The following STARD13 variants were observed in gnomAD, a reference collection of about 807,000 sequenced individuals.
The protein encoded by STARD13 is stAR-related lipid transfer protein 13.
Under a neutral mutation model 106.4 loss-of-function variants are expected in STARD13, and 62 were observed. The observed-to-expected ratio is 0.58, with a 90% CI of 0.48 to 0.72. The LOEUF (loss-of-function observed/expected upper bound fraction) is 0.72, where lower values mean the gene tolerates loss of function less well. Ranked by LOEUF, STARD13 falls within the 30% of genes least tolerant of loss-of-function variation. STARD13 has a pLI of 0.00. For synonymous variants in STARD13, 565 were observed against 553.0 expected, an observed-to-expected ratio of 1.02 and a Z score of -0.31; for missense variants, 1,387 against 1,424.0, an observed-to-expected ratio of 0.97 and a Z score of 0.42.
the STARD13 span, among the ~76,000 whole-genome samples, chr13:33,627,851 G>A: frequency 6.6e-6 from 1 of 152,040 alleles, no homozygotes; most frequent in Non-Finnish European, 1.5e-5. Context: ...CTTTTCTGAC[G>A]TACAGCAACC....
At position 33,203,373 on chromosome 13, in the gene STARD13, T is replaced by A. The variant is rs185191819; in HGVS notation, c.170-35751A>T. Among the ~76,000 whole-genome samples, 289 of 152,306 alleles carry A rather than the reference T, an allele frequency of 1.9e-3. 2 individuals carry two copies. The highest frequency in any genetic ancestry group is 6.6e-3 in the African/African-American group (274 of 41,574). ...ATCTTATATGCTGCTATGCTATCAGTTTTACTGGATTATTTTGAAAGATGA... is the reference window on the plus strand; with the variant it reads ...ATCTTATATGCTGCTATGCTATCAGATTTACTGGATTATTTTGAAAGATGA... On this transcript the variant is annotated intron_variant, in intron 1 of 13. Coordinates refer to ENST00000336934, the MANE Select transcript of STARD13 (RefSeq NM_178006.4).
intron 1 of STARD13, among the ~76,000 whole-genome samples, chr13:33,169,114 C>T (rs1232809851): frequency 6.6e-6 from 1 of 152,162 alleles, no homozygotes; most frequent in Non-Finnish European, 1.5e-5. Flanking sequence ...CCCATTCCTG[C>T]CATGGACACA....
chr13:33,606,170 AG>A, the STARD13 span, among the ~76,000 whole-genome samples: 1 of 152,160 alleles, frequency 6.6e-6, no homozygotes, highest in Non-Finnish European at 1.5e-5. Flanking sequence ...GTGTAGTGGC[AG>A]GTATCTGTAA....
At chr13:33,579,878 A>C in the STARD13 span, among the ~76,000 whole-genome samples, 1 of 152,006 alleles carries the variant, frequency 6.6e-6, no homozygotes, top group Non-Finnish European at 1.5e-5. Context: ...ATACCACTAC[A>C]CATCTATTAG....
At chr13:33,351,313 TGAA>T (rs1277844508), upstream of STARD13, among the ~76,000 whole-genome samples, 1 of 152,228 alleles carries the variant, frequency 6.6e-6, no homozygotes, top group East Asian at 1.9e-4. Context: ...GTACGTATTA[TGAA>T]GAAGTGAAAT....
the STARD13 span, chr13:33,359,347 A>T: frequency 6.1e-6 from 1 of 164,216 alleles, no homozygotes; most frequent in Non-Finnish European, 1.3e-5. Flanking sequence ...GAAGGTCTGC[A>T]GCTTCACTTC....
chr13:33,669,080 T>G, the STARD13 span, among the ~76,000 whole-genome samples: 7 of 152,302 alleles, frequency 4.6e-5, no homozygotes, highest in East Asian at 1.3e-3. Context: ...AAACTTGTGC[T>G]CTAAGTCACA....
the STARD13 span, among the ~76,000 whole-genome samples, chr13:33,437,960 C>G: frequency 6.6e-6 from 1 of 152,126 alleles, no homozygotes; most frequent in Non-Finnish European, 1.5e-5. Flanking sequence ...TGCACGATAC[C>G]TGAAGACCCA....
intron 1 of STARD13, among the ~76,000 whole-genome samples, chr13:33,249,003 C>T (rs1387767174): frequency 6.6e-6 from 1 of 152,118 alleles, no homozygotes. Context: ...TTTCCCCTTG[C>T]CAGATATTTC....
At chr13:33,162,687 C>G (rs1308686589) in intron 3 of STARD13, among the ~76,000 whole-genome samples, 2 of 152,150 alleles carry the variant, frequency 1.3e-5, no homozygotes, top group African/African-American at 2.4e-5. Flanking sequence ...TGCTCCTGTT[C>G]CCAAGAAGTT....
At chr13:33,519,242 T>TTCTC in the STARD13 span, among the ~76,000 whole-genome samples, 41 of 150,962 alleles carry the variant, frequency 2.7e-4, 1 homozygote, top group South Asian at 8.2e-3. Context: ...CTTTCTTTCT[T>TTCTC]TCTTTCTTTC....
At chr13:33,457,245 T>C in the STARD13 span, among the ~76,000 whole-genome samples, 4 of 152,320 alleles carry the variant, frequency 2.6e-5, no homozygotes, top group East Asian at 3.9e-4. Context: ...CAGTCAGTAA[T>C]GGAACTTTTG....
the STARD13 span, chr13:33,676,607 A>G: frequency 1.8e-4 from 28 of 152,300 alleles, no homozygotes; most frequent in East Asian, 3.5e-3. Flanking sequence ...AACAACAAAG[A>G]GTTTTAAGGA....
the STARD13 span, among the ~76,000 whole-genome samples, chr13:33,555,245 TC>T: frequency 6.6e-6 from 1 of 152,240 alleles, no homozygotes; most frequent in African/African-American, 2.4e-5. Context: ...TGGATTTTTC[TC>T]TTAGCCTAGC....
At chr13:33,289,037 G>T (rs977245063), upstream of STARD13, among the ~76,000 whole-genome samples, 1 of 152,136 alleles carries the variant, frequency 6.6e-6, no homozygotes, top group Non-Finnish European at 1.5e-5. Context: ...TCTCTCTCTG[G>T]CTTTTCCTTT....
At chr13:33,214,611 G>T (rs549654620) in intron 1 of STARD13, among the ~76,000 whole-genome samples, 7 of 151,908 alleles carry the variant, frequency 4.6e-5, no homozygotes, top group African/African-American at 1.4e-4. Flanking sequence ...ACTTATTAAA[G>T]ACCTTAGCTT....
the STARD13 span, among the ~76,000 whole-genome samples, chr13:33,669,708 G>GTATTTTTAATAGAGACTGGGTTTCA: frequency 6.6e-6 from 1 of 151,680 alleles, no homozygotes; most frequent in African/African-American, 2.4e-5. Context: ...GCTAACTTTT[G>GTATTTTTAATAGAGACTGGGTTTCA]TATTTTTAAT....
At chr13:33,401,184 A>T in the STARD13 span, among the ~76,000 whole-genome samples, 7 of 152,312 alleles carry the variant, frequency 4.6e-5, no homozygotes, top group Admixed American at 2.0e-4. Flanking sequence ...CTAAAACAGG[A>T]TTGCATTTTC....
At chr13:33,219,518 CAAAAAAAAAAA>C (rs55933962) in intron 1 of STARD13, among the ~76,000 whole-genome samples, 6 of 61,212 alleles carry the variant, frequency 9.8e-5, no homozygotes, top group Admixed American at 2.4e-4. Flanking sequence ...GACTCCTTCT[CAAAAAAAAAAA>C]AAAAAAAAAA....
Sources: allele counts gnomAD v4.1 joint callset (sites outside exome capture counted in the v4.1 genomes callset), GRCh38; gene constraint gnomAD v4.1.1; transcripts MANE v1.5; gene names NCBI Gene and HGNC (gene_info 2026-07-23, HGNC 2026-07-21).